HECW2: variants seen among roughly 807,000 people sequenced by gnomAD.
HECW2 encodes HECT, C2 and WW domain containing E3 ubiquitin protein ligase 2.
Under a neutral mutation model 175.2 loss-of-function variants are expected in HECW2, and 61 were observed. The ratio of observed to expected loss-of-function variants is 0.35; its 90% CI spans 0.28 to 0.43. The LOEUF is 0.43. Ranked by LOEUF, HECW2 falls within the 20% of genes least tolerant of loss-of-function variation. The pLI, the probability that HECW2 is intolerant of heterozygous loss-of-function variation, is 1.00. For synonymous variants in HECW2, 671 were observed against 731.0 expected, an observed-to-expected ratio of 0.92 and a Z score of 1.32; for missense variants, 1,524 against 2,000.5, an observed-to-expected ratio of 0.76 and a Z score of 4.54.
chr2:196,314,468 G>C (rs1489815107), intron 10 of HECW2, among the ~76,000 whole-genome samples: 1 of 152,192 alleles, frequency 6.6e-6, no homozygotes, highest in Non-Finnish European at 1.5e-5. Context: ...TCCAATCTCA[G>C]ATCAGAATAC....
At chr2:196,271,460 G>T (rs1021715765) in intron 16 of HECW2, among the ~76,000 whole-genome samples, 171 bp from the exon 17 acceptor site, 38 of 137,962 alleles carry the variant, frequency 2.8e-4, no homozygotes, top group Admixed American at 8.9e-4. Context: ...ATTTTTTTTT[G>T]TATTTTTAGT....
intron 1 of HECW2, among the ~76,000 whole-genome samples, chr2:196,590,373 T>G (rs1559191941): frequency 6.6e-6 from 1 of 152,216 alleles, no homozygotes; most frequent in Non-Finnish European, 1.5e-5. Context: ...GTCCTCCCTC[T>G]TTCAGGCCAG....
chr2:196,520,450 A>G (rs1688321568), intron 1 of HECW2, among the ~76,000 whole-genome samples: 1 of 152,222 alleles, frequency 6.6e-6, no homozygotes, highest in African/African-American at 2.4e-5. Flanking sequence ...AAAAACTATC[A>G]TGTAATGTGC....
chr2:196,371,642 T>G (rs1693912327), intron 2 of HECW2, among the ~76,000 whole-genome samples: 1 of 152,216 alleles, frequency 6.6e-6, no homozygotes, highest in Admixed American at 6.5e-5. Flanking sequence ...TGGACTCATA[T>G]TTTATAGATC....
chr2:196,384,407 C>T (rs111778920), intron 2 of HECW2, among the ~76,000 whole-genome samples: 3,269 of 152,012 alleles, frequency 0.022, 115 homozygotes, highest in African/African-American at 0.075. Flanking sequence ...ATAGAAAGAC[C>T]CCATCTCTAC....
intron 1 of HECW2, among the ~76,000 whole-genome samples, chr2:196,471,012 C>CAA (rs398060924): frequency 8.0e-4 from 96 of 120,150 alleles, no homozygotes; most frequent in African/African-American, 2.7e-3. Context: ...ACCAAATTGG[C>CAA]AAAAAAAAAA....
intron 1 of HECW2, among the ~76,000 whole-genome samples, chr2:196,513,774 G>T (rs1688046067): frequency 6.6e-6 from 1 of 152,228 alleles, no homozygotes; most frequent in South Asian, 2.1e-4. Context: ...CCACACCAGT[G>T]GTGCTCAAAG....
chr2:196,375,115 T>C (rs7573565), intron 2 of HECW2, among the ~76,000 whole-genome samples: 28,382 of 148,926 alleles, frequency 0.19, 3,965 homozygotes, highest in African/African-American at 0.4. Flanking sequence ...GCTGAGATCA[T>C]GCCACTGCAC....
chr2:196,410,226 T>C (rs1268195589), intron 2 of HECW2, among the ~76,000 whole-genome samples: 3 of 152,238 alleles, frequency 2.0e-5, no homozygotes, highest in Non-Finnish European at 2.9e-5. Flanking sequence ...CTTTGTTCCA[T>C]GGTCATGCGC....
intron 19 of HECW2, among the ~76,000 whole-genome samples, chr2:196,252,900 T>C (rs1348511505): frequency 1.3e-5 from 2 of 152,180 alleles, no homozygotes; most frequent in Non-Finnish European, 2.9e-5. Context: ...CACAGCTGTG[T>C]TCTCATACAT....
intron 2 of HECW2, among the ~76,000 whole-genome samples, chr2:196,422,134 C>T (rs78276091): frequency 0.032 from 4,855 of 152,222 alleles, 71 homozygotes; most frequent in Middle Eastern, 0.085. Context: ...AAAGTGTATT[C>T]CAAAGTATGA....
chr2:196,588,675 T>C (rs183698672), intron 1 of HECW2, among the ~76,000 whole-genome samples: 3 of 152,272 alleles, frequency 2.0e-5, no homozygotes, highest in Admixed American at 2.0e-4. Context: ...CACACACACA[T>C]ATACGTTGAA....
At chr2:196,264,047 CA>C (rs1457162801) in intron 17 of HECW2, 1 of 152,062 alleles carries the variant, frequency 6.6e-6, no homozygotes, top group African/African-American at 2.4e-5. Context: ...TGTTCTAAAT[CA>C]ACTTGCCAAC....
intron 1 of HECW2, among the ~76,000 whole-genome samples, chr2:196,543,864 G>A (rs373418182): frequency 1.3e-5 from 2 of 152,100 alleles, no homozygotes; most frequent in Non-Finnish European, 2.9e-5. Context: ...TGCCCGCCTC[G>A]GCCTCCCAAA....
At chr2:196,292,353 A>G in intron 14 of HECW2, 1 of 484,014 alleles carries the variant, frequency 2.1e-6, no homozygotes, top group South Asian at 3.7e-5. Flanking sequence ...CCAGCGTCAC[A>G]GCCCTCCCTC....
chr2:196,533,857 C>A (rs1447846495), intron 1 of HECW2, among the ~76,000 whole-genome samples: 1 of 152,154 alleles, frequency 6.6e-6, no homozygotes, highest in Non-Finnish European at 1.5e-5. Flanking sequence ...CCAAATTTTT[C>A]TTAGGACTAA....
chr2:196,279,283 C>T (rs541368482), intron 14 of HECW2, among the ~76,000 whole-genome samples: 6 of 152,226 alleles, frequency 3.9e-5, no homozygotes, highest in Middle Eastern at 3.4e-3. Context: ...CTCCTGACCT[C>T]GTGATCTGCC....
chr2:196,562,536 T>A (rs1690039002), intron 1 of HECW2, among the ~76,000 whole-genome samples: 1 of 152,200 alleles, frequency 6.6e-6, no homozygotes, highest in Admixed American at 6.5e-5. Context: ...TTAGATATTG[T>A]CCAATTAAAA....
chr2:196,385,349 G>A (rs1694317811), intron 2 of HECW2, among the ~76,000 whole-genome samples: 1 of 152,086 alleles, frequency 6.6e-6, no homozygotes, highest in African/African-American at 2.4e-5. Context: ...TTAATGAAAA[G>A]TATTCAACAA....
Sources: allele counts gnomAD v4.1 joint callset (sites outside exome capture counted in the v4.1 genomes callset), GRCh38; gene constraint gnomAD v4.1.1; transcripts MANE v1.5; gene names NCBI Gene and HGNC (gene_info 2026-07-23, HGNC 2026-07-21).